The following DLG2 variants were observed in gnomAD, a reference collection of about 807,000 sequenced individuals.
The protein encoded by DLG2 is discs large MAGUK scaffold protein 2.
In DLG2, 45 loss-of-function variants were observed where a neutral mutation model predicts 132.5. The ratio of observed to expected loss-of-function variants is 0.34; its 90% CI spans 0.27 to 0.44. The LOEUF is 0.44. Among genes scored for constraint, DLG2 ranks in the 20% least tolerant of loss-of-function variants. The pLI, the probability that DLG2 is intolerant of heterozygous loss-of-function variation, is 1.00. For synonymous variants in DLG2, 424 were observed against 419.6 expected, an observed-to-expected ratio of 1.01 and a Z score of -0.13; for missense variants, 1,045 against 1,196.9, an observed-to-expected ratio of 0.87 and a Z score of 1.87.
chr11:83,995,056 G>A (rs555099147), intron 11 of DLG2, among the ~76,000 whole-genome samples: 1 of 148,688 alleles, frequency 6.7e-6, no homozygotes, highest in Non-Finnish European at 1.5e-5. Context: ...TAACTTGACC[G>A]TTAGCAAAGA....
In DLG2 at chr11:83,672,084, C is replaced by G. The variant is rs146276746; in HGVS notation, c.1826-38759G>C. Among the ~76,000 whole-genome samples the G allele has an allele frequency of 5.5e-4, 83 of 152,098 alleles. No homozygotes were observed. In the East Asian group the frequency reaches 0.014, roughly 25 times the overall value. ...AAGGAAATCTAGAGAAATGGGACAC[C>G]AGGAGAAAAAAATGTTGTAGAAACA... On this transcript the variant is annotated intron_variant, in intron 18 of 27. Transcript: ENST00000376104.
intron 6 of DLG2, among the ~76,000 whole-genome samples, chr11:84,693,254 T>G (rs1229812443): frequency 6.6e-6 from 1 of 151,768 alleles, no homozygotes; most frequent in African/African-American, 2.4e-5. Flanking sequence ...TAGATACAAT[T>G]TCCCTTTTAA....
At chr11:83,792,099 C>G (rs1053369475) in intron 17 of DLG2, among the ~76,000 whole-genome samples, 1 of 152,062 alleles carries the variant, frequency 6.6e-6, no homozygotes, top group African/African-American at 2.4e-5. Flanking sequence ...TTAATGAAAG[C>G]CCAGTATTCC....
At chr11:85,567,490 T>G (rs1315029950) in intron 3 of DLG2, among the ~76,000 whole-genome samples, 1 of 152,214 alleles carries the variant, frequency 6.6e-6, no homozygotes, top group African/African-American at 2.4e-5. Context: ...TGCTTTTGTA[T>G]TCTACAATCT....
intron 7 of DLG2, among the ~76,000 whole-genome samples, chr11:84,397,208 C>T (rs753710668): frequency 1.4e-4 from 21 of 152,252 alleles, no homozygotes; most frequent in South Asian, 8.3e-4. Context: ...AAGACTGATA[C>T]GACTACAAAG....
intron 6 of DLG2, among the ~76,000 whole-genome samples, chr11:84,820,583 A>AG (rs1254811303): frequency 6.6e-6 from 1 of 151,826 alleles, no homozygotes; most frequent in Non-Finnish European, 1.5e-5. Flanking sequence ...TTTGTACTCC[A>AG]GCCATATAGT....
chr11:84,893,597 C>T (rs999651321), intron 6 of DLG2, among the ~76,000 whole-genome samples: 1 of 152,032 alleles, frequency 6.6e-6, no homozygotes, highest in African/African-American at 2.4e-5. Context: ...TCACTTTGAA[C>T]GTGGATTTGC....
intron 7 of DLG2, among the ~76,000 whole-genome samples, chr11:84,290,203 C>A (rs1439358346): frequency 6.6e-6 from 1 of 152,106 alleles, no homozygotes; most frequent in Admixed American, 6.6e-5. Flanking sequence ...CTCTCAGGGA[C>A]AGGAGGGACA....
chr11:84,980,928 T>C (rs972796534), intron 6 of DLG2, among the ~76,000 whole-genome samples: 8 of 152,182 alleles, frequency 5.3e-5, no homozygotes, highest in Non-Finnish European at 7.3e-5. Context: ...TTCCCAGAGC[T>C]GGTTATATTG....
chr11:83,688,179 C>T lies in DLG2; in HGVS notation c.1826-54854G>A, dbSNP rs112582852. Reference sequence around the variant, plus strand: ...ACGAAATTATTCTGATATAATCCCACGCAACGAATTTGTTTGAATTTAACA... The same window carrying T: ...ACGAAATTATTCTGATATAATCCCATGCAACGAATTTGTTTGAATTTAACA... On this transcript the variant is annotated intron_variant, in intron 18 of 27. Transcript: ENST00000376104. Among the ~76,000 whole-genome samples the T allele has an allele frequency of 9.3e-3, 1,410 of 152,268 alleles. 9 individuals carry two copies. Among genetic ancestry groups the T allele is most frequent in the East Asian group, 0.028 (146 of 5,184 alleles).
intron 6 of DLG2, among the ~76,000 whole-genome samples, chr11:84,920,494 A>G (rs1323057108): frequency 1.3e-5 from 2 of 152,310 alleles, no homozygotes; most frequent in East Asian, 1.9e-4. Flanking sequence ...CAAACCCTGC[A>G]TAGATGTCCA....
intron 6 of DLG2, among the ~76,000 whole-genome samples, chr11:85,051,191 C>CA (rs1323798242): frequency 6.6e-6 from 1 of 152,100 alleles, no homozygotes; most frequent in Non-Finnish European, 1.5e-5. Context: ...TGTTAGGACA[C>CA]AATGATGTAT....
At chr11:83,993,324 C>G (rs965388630) in intron 11 of DLG2, among the ~76,000 whole-genome samples, 1 of 152,066 alleles carries the variant, frequency 6.6e-6, no homozygotes, top group Admixed American at 6.6e-5. Context: ...TGTCAAGCAT[C>G]CTACATTAAG....
At chr11:85,499,241 C>T (rs900562169) in intron 3 of DLG2, among the ~76,000 whole-genome samples, 5 of 151,616 alleles carry the variant, frequency 3.3e-5, no homozygotes, top group Admixed American at 6.6e-5. Context: ...CAAATAGACG[C>T]AATAAAAAAT....
chr11:83,891,661 C>T (rs1002283384), intron 15 of DLG2, among the ~76,000 whole-genome samples: 8 of 152,150 alleles, frequency 5.3e-5, no homozygotes, highest in African/African-American at 1.9e-4. Flanking sequence ...CCAGTCCTTA[C>T]AGAGCCATTC....
At chr11:85,204,022 G>A (rs2081663952) in intron 4 of DLG2, among the ~76,000 whole-genome samples, 1 of 152,090 alleles carries the variant, frequency 6.6e-6, no homozygotes, top group Non-Finnish European at 1.5e-5. Flanking sequence ...ACTGGGTATA[G>A]AAGGAGCATA....
At chr11:85,600,788 T>C (rs951371139) in intron 2 of DLG2, among the ~76,000 whole-genome samples, 2 of 152,204 alleles carry the variant, frequency 1.3e-5, no homozygotes, top group African/African-American at 4.8e-5. Context: ...TTTTGAATAG[T>C]GGACAAATAT....
At chr11:83,730,497 TC>T (rs957322106) in intron 18 of DLG2, among the ~76,000 whole-genome samples, 6 of 152,158 alleles carry the variant, frequency 3.9e-5, no homozygotes, top group Non-Finnish European at 8.8e-5. Context: ...CCCTCCATTT[TC>T]CTAAAAGCAG....
intron 4 of DLG2, among the ~76,000 whole-genome samples, chr11:85,226,516 A>G (rs2074986457): frequency 6.6e-6 from 1 of 152,064 alleles, no homozygotes; most frequent in Non-Finnish European, 1.5e-5. Flanking sequence ...TCTCGCCACT[A>G]CGCTCTAGCC....
Sources: allele counts gnomAD v4.1 joint callset (sites outside exome capture counted in the v4.1 genomes callset), GRCh38; gene constraint gnomAD v4.1.1; transcripts MANE v1.5; gene names NCBI Gene and HGNC (gene_info 2026-07-23, HGNC 2026-07-21).